HPSE2: variants seen among roughly 807,000 people sequenced by gnomAD.
HPSE2 encodes heparanase 2 (inactive).
In HPSE2, 38 loss-of-function variants were observed where a neutral mutation model predicts 60.5. The ratio of observed to expected loss-of-function variants is 0.63; its 90% CI spans 0.48 to 0.82. The LOEUF (loss-of-function observed/expected upper bound fraction) is 0.82. HPSE2 is among the 40% of genes least tolerant of loss of function. The pLI is 0.00. For missense variants in HPSE2, 713 were observed against 740.4 expected (o/e 0.96, Z 0.43); for synonymous variants, 295 against 293.2 (o/e 1.01, Z -0.06).
chr10:98,524,439 C>T (rs114933572), intron 9 of HPSE2, among the ~76,000 whole-genome samples: 1,715 of 111,982 alleles, frequency 0.015, 27 homozygotes, highest in African/African-American at 0.04. Context: ...TTCTTTCACC[C>T]CAGAACTTTT....
intron 6 of HPSE2, among the ~76,000 whole-genome samples, chr10:98,683,870 T>C (rs1947846427): frequency 6.6e-6 from 1 of 151,028 alleles, no homozygotes; most frequent in Admixed American, 6.6e-5. Context: ...AAATAAAAGA[T>C]CACTAGGAAC....
At chr10:99,302,981 G>T in the HPSE2 span, among the ~76,000 whole-genome samples, 1 of 151,788 alleles carries the variant, frequency 6.6e-6, no homozygotes, top group African/African-American at 2.4e-5. Context: ...TCCCTACAAG[G>T]ACAGAGAAGG....
intron 9 of HPSE2, among the ~76,000 whole-genome samples, chr10:98,598,731 G>C (rs1379167325): frequency 1.3e-5 from 2 of 152,026 alleles, no homozygotes; most frequent in Admixed American, 6.5e-5. Flanking sequence ...ATCTACTTGG[G>C]TGGGTCTTGA....
At chr10:98,818,750 C>T (rs773939775) in intron 3 of HPSE2, among the ~76,000 whole-genome samples, 2 of 152,150 alleles carry the variant, frequency 1.3e-5, no homozygotes, top group Non-Finnish European at 2.9e-5. Context: ...GACATGAAAT[C>T]GTTATCAAGG....
intron 2 of HPSE2, among the ~76,000 whole-genome samples, chr10:99,189,016 C>T (rs532152450): frequency 4.5e-4 from 69 of 152,308 alleles, no homozygotes; most frequent in African/African-American, 1.6e-3. Flanking sequence ...GGCACCAAGG[C>T]AAACCAAACT....
At position 99,185,508 on chromosome 10, in the gene HPSE2, C is replaced by T. The variant is rs986511219; in HGVS notation, c.449-41109G>A. Among the ~76,000 whole-genome samples, 6 of 152,194 alleles carry T rather than the reference C, an allele frequency of 3.9e-5. No individual in the cohort carries two copies. In the South Asian group the frequency reaches 1.2e-3, roughly 32 times the overall value. On this transcript the variant is annotated intron_variant, in intron 2 of 11. Coordinates refer to ENST00000370552, the MANE Select transcript of HPSE2 (RefSeq NM_021828.5). ...GAAGTGGGGCTGCCAGGTGCAGTGG[C>T]TCATGCCTGTAATTCCAGCATTTTG...
intron 9 of HPSE2, among the ~76,000 whole-genome samples, chr10:98,575,022 G>C (rs1025762581): frequency 6.6e-6 from 1 of 152,076 alleles, no homozygotes. Context: ...CATTTCCTGG[G>C]AAAGCAGGGA....
rs1191213986 is a variant in HPSE2 at position 98,458,128 on chromosome 10, G to C, written c.*1446C>G. 1 of 151,268 alleles carries C rather than the reference G, an allele frequency of 6.6e-6. No homozygotes were observed. Among genetic ancestry groups the C allele is most frequent in the Non-Finnish European group, 1.5e-5 (1 of 67,854 alleles). The allele number at this position is 151,268 out of a possible 1,614,324, so 9.4% of individuals were successfully genotyped here. A position where few individuals can be genotyped will look rare whatever the true frequency, so the allele number is the denominator to read the frequency against. On this transcript the variant is annotated 3_prime_UTR_variant, in exon 12 of 12. Coordinates refer to ENST00000370552, the MANE Select transcript of HPSE2 (RefSeq NM_021828.5). ...AATCCTTAACTCCGTGTGCGTCTTA[G>C]GCAGCCTCCCTAGTCTCTGCCCTAG...
At chr10:98,914,937 C>T (rs181279033) in intron 3 of HPSE2, among the ~76,000 whole-genome samples, 4 of 151,004 alleles carry the variant, frequency 2.6e-5, no homozygotes, top group African/African-American at 7.3e-5. Context: ...TAAAACTTTC[C>T]GAAGATAAAG....
chr10:98,819,850 G>T (rs771687769), intron 3 of HPSE2, among the ~76,000 whole-genome samples: 2 of 152,024 alleles, frequency 1.3e-5, no homozygotes, highest in Non-Finnish European at 2.9e-5. Flanking sequence ...GTGGCGCCTA[G>T]TACTAGCCCC....
intron 6 of HPSE2, among the ~76,000 whole-genome samples, chr10:98,656,725 C>A (rs967208115): frequency 6.6e-6 from 1 of 151,826 alleles, no homozygotes; most frequent in East Asian, 1.9e-4. Flanking sequence ...CAAACTTATA[C>A]CCCATCTCTC....
intron 9 of HPSE2, among the ~76,000 whole-genome samples, chr10:98,599,836 C>T (rs936512592): frequency 2.0e-5 from 3 of 152,136 alleles, no homozygotes; most frequent in African/African-American, 7.2e-5. Flanking sequence ...ATGGATGTTT[C>T]CACAGGGAGA....
intron 3 of HPSE2, among the ~76,000 whole-genome samples, chr10:98,871,549 T>C (rs1471421037): frequency 6.6e-6 from 1 of 151,996 alleles, no homozygotes; most frequent in African/African-American, 2.4e-5. Flanking sequence ...ATATACAAAA[T>C]TAAGCAATTA....
At chr10:99,099,280 G>C (rs1843845779) in intron 3 of HPSE2, among the ~76,000 whole-genome samples, 1 of 152,190 alleles carries the variant, frequency 6.6e-6, no homozygotes, top group Admixed American at 6.5e-5. Flanking sequence ...TGGAAAATCA[G>C]GTCACTCCCA....
chr10:99,025,528 G>T (rs552615999), intron 3 of HPSE2, among the ~76,000 whole-genome samples: 5 of 152,062 alleles, frequency 3.3e-5, no homozygotes, highest in South Asian at 2.1e-4. Context: ...CATAAAAAAA[G>T]AACAAGATCA....
chr10:98,974,352 T>C (rs1956033915), intron 3 of HPSE2, among the ~76,000 whole-genome samples: 2 of 147,798 alleles, frequency 1.4e-5, no homozygotes, highest in African/African-American at 2.4e-5. Flanking sequence ...TTTGTTTGTT[T>C]TGAGATGGAG....
chr10:99,255,563 TACACACACACACAC>T, the HPSE2 span, among the ~76,000 whole-genome samples: 2 of 147,328 alleles, frequency 1.4e-5, no homozygotes, highest in Non-Finnish European at 3.0e-5. Context: ...CATGCACACA[TACACACACACACAC>T]ACACACACAC....
At chr10:98,696,785 C>G (rs113662349) in intron 5 of HPSE2, among the ~76,000 whole-genome samples, 4 of 152,160 alleles carry the variant, frequency 2.6e-5, no homozygotes, top group Non-Finnish European at 4.4e-5. Context: ...ACACTAAGCT[C>G]CCAGGGTGGG....
chr10:99,239,756 A>G (rs1849913664), upstream of HPSE2, among the ~76,000 whole-genome samples: 1 of 151,884 alleles, frequency 6.6e-6, no homozygotes, highest in Admixed American at 6.6e-5. Context: ...TATATTATCT[A>G]GTAAGGACCT....
Sources: gnomAD v4.1 joint callset for allele counts (sites outside exome capture counted in the v4.1 genomes callset) on GRCh38, gnomAD v4.1.1 for gene constraint, MANE v1.5 for transcripts, NCBI Gene and HGNC (gene_info 2026-07-23, HGNC 2026-07-21) for gene names.